AGBL4: variants seen among roughly 807,000 people sequenced by gnomAD.
AGBL4 encodes cytosolic carboxypeptidase 6.
AGBL4 carries 58 observed loss-of-function variants against 66.4 expected under a neutral mutation model. The ratio of observed to expected loss-of-function variants is 0.87; its 90% CI spans 0.71 to 1.09. The LOEUF is 1.09. Among genes scored for constraint, AGBL4 ranks in the 50% least tolerant of loss-of-function variants. The pLI, the probability that AGBL4 is intolerant of heterozygous loss-of-function variation, is 0.00. For missense variants in AGBL4, 579 were observed against 631.0 expected, an observed-to-expected ratio of 0.92 and a Z score of 0.88; for synonymous variants, 234 against 222.9, an observed-to-expected ratio of 1.05 and a Z score of -0.44.
chr1:49,839,380 T>C (rs1241747320), intron 2 of AGBL4, among the ~76,000 whole-genome samples: 2 of 152,192 alleles, frequency 1.3e-5, no homozygotes, highest in Admixed American at 1.3e-4. Context: ...AACTCTCCTT[T>C]ATATTTAATA....
At chr1:49,054,849 T>C (rs1348531671) in intron 4 of AGBL4, among the ~76,000 whole-genome samples, 2 of 152,028 alleles carry the variant, frequency 1.3e-5, no homozygotes, top group South Asian at 2.1e-4. Flanking sequence ...TTCTTTATTA[T>C]TGTTAATGAG....
chr1:49,124,430 C>T (rs1247938192), intron 4 of AGBL4, among the ~76,000 whole-genome samples: 3 of 152,180 alleles, frequency 2.0e-5, no homozygotes, highest in East Asian at 1.9e-4. Context: ...CCCTCATCAG[C>T]TGCTATTGGA....
chr1:49,739,103 C>A (rs1650176155), intron 2 of AGBL4, among the ~76,000 whole-genome samples: 3 of 152,120 alleles, frequency 2.0e-5, no homozygotes, highest in Admixed American at 6.5e-5. Context: ...GATCAAACTA[C>A]TCTGAGCTAA....
intron 6 of AGBL4, among the ~76,000 whole-genome samples, chr1:48,821,769 GA>G (rs1392955551): frequency 1.6e-4 from 24 of 152,086 alleles, no homozygotes; most frequent in African/African-American, 5.8e-4. Flanking sequence ...GAGATATTAA[GA>G]AAGTGAAAAG....
At chr1:49,123,761 T>G (rs1050088783) in intron 4 of AGBL4, among the ~76,000 whole-genome samples, 1 of 152,194 alleles carries the variant, frequency 6.6e-6, no homozygotes, top group Non-Finnish European at 1.5e-5. Flanking sequence ...GAAACTTAAT[T>G]GAGTTTTGTA....
At chr1:49,288,390 A>C (rs1269815848) in intron 3 of AGBL4, among the ~76,000 whole-genome samples, 1 of 151,948 alleles carries the variant, frequency 6.6e-6, no homozygotes, top group Middle Eastern at 3.2e-3. Flanking sequence ...AGAAAGTACC[A>C]GGCCAAAATT....
chr1:49,072,059 C>T (rs994317702), intron 4 of AGBL4, among the ~76,000 whole-genome samples: 1 of 151,988 alleles, frequency 6.6e-6, no homozygotes, highest in Admixed American at 6.6e-5. Context: ...GAGACTAGGA[C>T]TGCAACACCT....
intron 4 of AGBL4, among the ~76,000 whole-genome samples, chr1:49,065,717 A>T (rs1380287407): frequency 6.6e-6 from 1 of 152,252 alleles, no homozygotes; most frequent in Non-Finnish European, 1.5e-5. Context: ...CTAGAAAATT[A>T]TCGAAGCTCC....
intron 3 of AGBL4, among the ~76,000 whole-genome samples, chr1:49,434,038 C>A (rs539614119): frequency 3.7e-4 from 57 of 152,280 alleles, no homozygotes; most frequent in Non-Finnish European, 5.7e-4. Context: ...TCGTGCTATA[C>A]ACTTTCATTT....
chr1:49,748,380 A>G (rs991731530), intron 2 of AGBL4, among the ~76,000 whole-genome samples: 4 of 152,112 alleles, frequency 2.6e-5, no homozygotes, highest in Non-Finnish European at 5.9e-5. Context: ...CATGATGTAT[A>G]TGTGCCACAT....
rs545496365 is a variant in AGBL4, at chr1:49,865,742, T to G, written c.35-14224A>C. Among the ~76,000 whole-genome samples, 6 of 152,298 alleles carry G rather than the reference T, an allele frequency of 3.9e-5. No homozygotes were observed. The East Asian group carries it at 9.6e-4, about 24-fold the overall frequency. On this transcript the variant is annotated intron_variant, in intron 1 of 13. Coordinates refer to ENST00000371839, the MANE Select transcript of AGBL4 (RefSeq NM_032785.4). ...CATCTCTCCAGCAAGGACAGAGAACTGGGCTGAGGCTGAGATGGATGAACT... is the reference window on the plus strand; with the variant it reads ...CATCTCTCCAGCAAGGACAGAGAACGGGGCTGAGGCTGAGATGGATGAACT...
At chr1:49,783,322 T>C (rs1201117411) in intron 2 of AGBL4, among the ~76,000 whole-genome samples, 1 of 152,136 alleles carries the variant, frequency 6.6e-6, no homozygotes, top group Non-Finnish European at 1.5e-5. Context: ...ATAAAAAGGA[T>C]TGATATCATT....
At chr1:49,579,563 T>C (rs1225589522) in intron 3 of AGBL4, among the ~76,000 whole-genome samples, 2 of 152,122 alleles carry the variant, frequency 1.3e-5, no homozygotes, top group African/African-American at 4.8e-5. Flanking sequence ...GCAGTGGTGC[T>C]ATCTTGGCTC....
chr1:48,558,629 T>G (rs1262565933), intron 11 of AGBL4, among the ~76,000 whole-genome samples: 1 of 152,230 alleles, frequency 6.6e-6, no homozygotes, highest in East Asian at 1.9e-4. Context: ...CACCAGGAGC[T>G]TCTGGCAGCC....
intron 6 of AGBL4, among the ~76,000 whole-genome samples, chr1:48,753,762 A>G (rs534659845): frequency 6.6e-6 from 1 of 152,372 alleles, no homozygotes; most frequent in African/African-American, 2.4e-5. Context: ...GAATTGTCCA[A>G]TGAGATAAAA....
intron 2 of AGBL4, among the ~76,000 whole-genome samples, chr1:49,700,191 C>T (rs1647061000): frequency 6.6e-6 from 1 of 151,052 alleles, no homozygotes; most frequent in Non-Finnish European, 1.5e-5. Context: ...TGTAACTATA[C>T]TTATATCAGA....
intron 4 of AGBL4, among the ~76,000 whole-genome samples, chr1:49,058,379 A>G (rs544866083): frequency 6.6e-6 from 1 of 152,248 alleles, no homozygotes; most frequent in African/African-American, 2.4e-5. Context: ...ATGGTTTTAT[A>G]AGGGGCTTTT....
At chr1:49,658,309 TATC>T (rs1182968168) in intron 3 of AGBL4, among the ~76,000 whole-genome samples, 2 of 152,208 alleles carry the variant, frequency 1.3e-5, no homozygotes, top group Non-Finnish European at 2.9e-5. Flanking sequence ...CACAATGAGA[TATC>T]ATCTCACACA....
chr1:48,529,220 C>T (rs951707425), downstream of AGBL4, among the ~76,000 whole-genome samples: 1 of 152,096 alleles, frequency 6.6e-6, no homozygotes, highest in Non-Finnish European at 1.5e-5. Context: ...TCACTCTTGT[C>T]CTCTACTCAA....
Sources: gnomAD v4.1 joint callset for allele counts (sites outside exome capture counted in the v4.1 genomes callset) on GRCh38, gnomAD v4.1.1 for gene constraint, MANE v1.5 for transcripts, NCBI Gene and HGNC (gene_info 2026-07-23, HGNC 2026-07-21) for gene names.